The following BRINP3 variants were observed in gnomAD, a reference collection of about 807,000 sequenced individuals.
The protein encoded by BRINP3 is BMP/retinoic acid inducible neural specific 3.
In BRINP3, 19 loss-of-function variants were observed where a neutral mutation model predicts 71.0. The observed-to-expected ratio is 0.27, with a 90% CI of 0.19 to 0.39. The LOEUF (loss-of-function observed/expected upper bound fraction) is 0.39, where lower values mean the gene tolerates loss of function less well. Ranked by LOEUF, BRINP3 falls within the 10% of genes least tolerant of loss-of-function variation. The pLI is 1.00. For missense variants in BRINP3, 959 were observed against 940.8 expected, an observed-to-expected ratio of 1.02 and a Z score of -0.25; for synonymous variants, 380 against 337.7, an observed-to-expected ratio of 1.13 and a Z score of -1.37.
chr1:190,207,008 C>G (rs1160347196), intron 6 of BRINP3, among the ~76,000 whole-genome samples: 1 of 116,996 alleles, frequency 8.5e-6, no homozygotes, highest in Admixed American at 9.3e-5. Context: ...TTTTTTTTTT[C>G]AGAAAAGTGG....
intron 2 of BRINP3, among the ~76,000 whole-genome samples, chr1:190,314,741 A>C (rs1665765938): frequency 6.6e-6 from 1 of 152,160 alleles, no homozygotes; most frequent in Non-Finnish European, 1.5e-5. Flanking sequence ...TTAAGCCACT[A>C]AGCTTGTGGT....
chr1:190,412,144 T>TA (rs540411400), intron 2 of BRINP3, among the ~76,000 whole-genome samples: 311 of 141,730 alleles, frequency 2.2e-3, no homozygotes, highest in African/African-American at 5.6e-3. Flanking sequence ...CAGAACTCAA[T>TA]AAAAAAAAAA....
chr1:190,228,283 T>G (rs531914379), intron 5 of BRINP3, among the ~76,000 whole-genome samples: 1 of 151,964 alleles, frequency 6.6e-6, no homozygotes, highest in East Asian at 1.9e-4. Flanking sequence ...CTCAAGGAAC[T>G]CAGGAATCAG....
At position 190,180,640 on chromosome 1, in the gene BRINP3, A is replaced by G. The variant is rs1026989684; in HGVS notation, c.962-19750T>C. Reference sequence around the variant, plus strand: ...GTGATGTTTAAATGAATTGATAAATAAATTGCTTAACAAGTCACTCATTAT... The same window carrying G: ...GTGATGTTTAAATGAATTGATAAATGAATTGCTTAACAAGTCACTCATTAT... On this transcript the variant is annotated intron_variant, in intron 6 of 7. Transcript: ENST00000367462. Among the ~76,000 whole-genome samples the G allele has an allele frequency of 2.6e-5, 4 of 152,108 alleles. No individual in the cohort carries two copies. The South Asian group carries it at 8.3e-4, about 31-fold the overall frequency.
intron 2 of BRINP3, among the ~76,000 whole-genome samples, chr1:190,437,992 T>C (rs892694589): frequency 9.9e-5 from 15 of 151,360 alleles, no homozygotes; most frequent in African/African-American, 3.4e-4. Flanking sequence ...TATTTATGTA[T>C]AGGTAATTTG....
intron 7 of BRINP3, among the ~76,000 whole-genome samples, chr1:190,134,432 G>C (rs1394872114): frequency 6.6e-6 from 1 of 151,846 alleles, no homozygotes; most frequent in Non-Finnish European, 1.5e-5. Flanking sequence ...AGGAAATCAG[G>C]GTAGAAAAAA....
intron 4 of BRINP3, among the ~76,000 whole-genome samples, chr1:190,262,651 T>C (rs1487163186): frequency 6.6e-6 from 1 of 152,280 alleles, no homozygotes; most frequent in Admixed American, 6.5e-5. Flanking sequence ...TAACGGACAA[T>C]GGGCATTCCC....
At chr1:190,433,457 T>G (rs1332916683) in intron 2 of BRINP3, among the ~76,000 whole-genome samples, 1 of 152,190 alleles carries the variant, frequency 6.6e-6, no homozygotes, top group Non-Finnish European at 1.5e-5. Flanking sequence ...TGATGAGTGA[T>G]TCTGCTATTT....
chr1:190,431,683 T>C (rs942452509), intron 2 of BRINP3, among the ~76,000 whole-genome samples: 5 of 152,062 alleles, frequency 3.3e-5, no homozygotes, highest in African/African-American at 7.2e-5. Context: ...TAATAAATTA[T>C]TAAACTGAAA....
chr1:190,336,588 C>T (rs1465899387), intron 2 of BRINP3, among the ~76,000 whole-genome samples: 2 of 151,990 alleles, frequency 1.3e-5, no homozygotes, highest in Non-Finnish European at 2.9e-5. Flanking sequence ...ACAAATATCA[C>T]TATGTATGTT....
In BRINP3 at chr1:190,323,616, A is replaced by T. The variant is rs138082006; in HGVS notation, c.237-41866T>A. 7.3e-4 allele frequency among the ~76,000 whole-genome samples: 111 copies of T among 151,508 alleles called. 1 individual carries two copies. In the East Asian group the frequency reaches 0.021, roughly 28 times the overall value. ...AAAATACAAAAAAAAAAAAATAAGA[A>T]TTTTTTTCTTATTTTGCATTAAGGC... On this transcript the variant is annotated intron_variant, in intron 2 of 7. Coordinates refer to ENST00000367462, the MANE Select transcript of BRINP3 (RefSeq NM_199051.3).
intron 2 of BRINP3, among the ~76,000 whole-genome samples, chr1:190,358,507 G>A (rs1313736005): frequency 2.6e-5 from 4 of 151,956 alleles, no homozygotes; most frequent in Admixed American, 6.6e-5. Flanking sequence ...AAAAGTCAGG[G>A]AACAACAGGT....
intron 6 of BRINP3, among the ~76,000 whole-genome samples, chr1:190,189,517 T>C (rs1471644944): frequency 1.3e-5 from 2 of 152,148 alleles, no homozygotes; most frequent in Non-Finnish European, 2.9e-5. Context: ...TACAATTTTT[T>C]CTGCCTGTTC....
intron 2 of BRINP3, among the ~76,000 whole-genome samples, chr1:190,297,413 T>C (rs1664334120): frequency 1.3e-5 from 2 of 152,122 alleles, no homozygotes; most frequent in South Asian, 2.1e-4. Flanking sequence ...ACTGAAATCA[T>C]AAAACTCCTA....
At chr1:190,169,160 G>A (rs1360489415) in intron 6 of BRINP3, among the ~76,000 whole-genome samples, 1 of 152,180 alleles carries the variant, frequency 6.6e-6, no homozygotes, top group Non-Finnish European at 1.5e-5. Flanking sequence ...AAGTATGCAT[G>A]AGGACTGAAA....
At chr1:190,392,154 C>T (rs570450529) in intron 2 of BRINP3, among the ~76,000 whole-genome samples, 3 of 151,594 alleles carry the variant, frequency 2.0e-5, no homozygotes, top group African/African-American at 7.2e-5. Context: ...TAAAAATAGG[C>T]TTTAAAATTA....
intron 4 of BRINP3, among the ~76,000 whole-genome samples, chr1:190,248,256 C>A (rs1345478608): frequency 1.3e-5 from 2 of 151,136 alleles, no homozygotes; most frequent in Non-Finnish European, 3.0e-5. Context: ...CTTTTATTTT[C>A]CTTTGTTTTT....
chr1:190,249,387 CACTT>C (rs1024148510), intron 4 of BRINP3, among the ~76,000 whole-genome samples: 10 of 151,716 alleles, frequency 6.6e-5, no homozygotes, highest in African/African-American at 2.4e-5. Context: ...ATTACAGGAT[CACTT>C]ACTATGTATA....
At chr1:190,124,173 G>A (rs1653902945) in intron 7 of BRINP3, among the ~76,000 whole-genome samples, 1 of 152,120 alleles carries the variant, frequency 6.6e-6, no homozygotes, top group Admixed American at 6.6e-5. Flanking sequence ...GTCATCACAG[G>A]AGTCGTCTGA....
Sources: gnomAD v4.1 joint callset for allele counts (sites outside exome capture counted in the v4.1 genomes callset) on GRCh38, gnomAD v4.1.1 for gene constraint, MANE v1.5 for transcripts, NCBI Gene and HGNC (gene_info 2026-07-23, HGNC 2026-07-21) for gene names.